Variants in PLTP observed in about 807,000 individuals in gnomAD.
PLTP encodes BPI fold containing family E.
PLTP carries 43 observed loss-of-function variants against 54.1 expected under a neutral mutation model. The ratio of observed to expected loss-of-function variants is 0.79; its 90% CI spans 0.62 to 1.02. The LOEUF is 1.02. Ranked by LOEUF, PLTP falls within the 50% of genes least tolerant of loss-of-function variation. The pLI, the probability that PLTP is intolerant of heterozygous loss-of-function variation, is 0.00. For missense variants in PLTP, 604 were observed against 645.9 expected (o/e 0.94, Z 0.70); for synonymous variants, 263 against 264.6 (o/e 0.99, Z 0.06).
rs754893064 is a variant in PLTP at position 45,911,440 on chromosome 20, C to T, written c.13G>A (p.Gly5Arg). 1.9e-6 allele frequency: 3 copies of T among 1,604,834 alleles called. No homozygotes were observed. Among genetic ancestry groups the T allele is most frequent in the East Asian group, 2.2e-5 (1 of 44,878 alleles). ...GCCAGCAGCGCTAGGAAGAGGGCCC[C>T]GAAGAGGGCCATGGCGAGCGGGCCT... MALF[G>R]ALFLALLAGA... The change falls in exon 2 of 16, where the codon GGG becomes AGG. Residue 5 changes from glycine (G) to arginine (R), a missense_variant. By Grantham distance (125) the Gly-to-Arg change is moderately radical. Transcript: ENST00000372431.
chr20:45,906,615 C>A (rs1236789917), intron 7 of PLTP, among the ~76,000 whole-genome samples: 1 of 152,104 alleles, frequency 6.6e-6, no homozygotes, highest in Non-Finnish European at 1.5e-5. Context: ...GGGGGCCGCG[C>A]ATGGTGGCTC....
At chr20:45,901,413 C>T (rs1240911727) in intron 12 of PLTP, among the ~76,000 whole-genome samples, 1 of 151,776 alleles carries the variant, frequency 6.6e-6, no homozygotes, top group Non-Finnish European at 1.5e-5. Flanking sequence ...GCCTGGACAA[C>T]AAAGTGAGAC....
At chr20:45,900,578 G>T (rs2083175522) in intron 12 of PLTP, among the ~76,000 whole-genome samples, 1 of 151,958 alleles carries the variant, frequency 6.6e-6, no homozygotes, top group South Asian at 2.1e-4. Context: ...GCCCAGGCTG[G>T]AGGGCAGTGG....
intron 4 of PLTP, 126 bp downstream of exon 4, chr20:45,909,816 G>T (rs989733340): frequency 1.4e-6 from 2 of 1,427,602 alleles, no homozygotes; most frequent in African/African-American, 1.4e-5. Flanking sequence ...AAATGCATAT[G>T]CCTGTTTCTG....
chr20:45,898,699 C>T lies in PLTP; in HGVS notation c.*242G>A. 1 of 658,560 alleles carries T rather than the reference C, an allele frequency of 1.5e-6. No individual in the cohort carries two copies. The highest frequency in any genetic ancestry group is 2.6e-6 in the Non-Finnish European group (1 of 379,042). 40.8% of individuals were successfully genotyped at this position (658,560 alleles called of 1,614,324 possible). A position where few individuals can be genotyped will look rare whatever the true frequency, so the allele number is the denominator to read the frequency against. On this transcript the variant is annotated 3_prime_UTR_variant, in exon 16 of 16. Coordinates refer to ENST00000372431, the MANE Select transcript of PLTP (RefSeq NM_006227.4). The surrounding 1 kb of genome is among the most constrained non-coding windows in gnomAD (Gnocchi z 4.6). ...GGCCCCTTCTCTGCTTAAAGAATGC[C>T]CTTTATGATGCACTGATTCCATCCC...
intron 10 of PLTP, among the ~76,000 whole-genome samples, chr20:45,904,058 G>A (rs1184225116): frequency 6.6e-6 from 1 of 152,188 alleles, no homozygotes; most frequent in Non-Finnish European, 1.5e-5. Flanking sequence ...ACTTGTAGAG[G>A]TTATGTAGTT....
intron 12 of PLTP, 103 bp from the exon 13 acceptor site, chr20:45,899,981 T>C: frequency 1.0e-6 from 1 of 970,882 alleles, no homozygotes; most frequent in Middle Eastern, 2.2e-4. Context: ...CAGGCTCAGA[T>C]GCCCACCTAG....
intron 7 of PLTP, 69 bp downstream of exon 7, chr20:45,907,623 C>G: frequency 6.9e-7 from 1 of 1,441,732 alleles, no homozygotes; most frequent in South Asian, 1.2e-5. Flanking sequence ...AACAGCAGGG[C>G]TCGGAAGGGG....
chr20:45,909,460 G>C, intron 5 of PLTP, 56 bp downstream of exon 5: 1 of 1,594,654 alleles, frequency 6.3e-7, no homozygotes, highest in Non-Finnish European at 8.6e-7. Context: ...CATTGCGCTA[G>C]GCAGATGAGC....
rs2083254422 is a variant in PLTP, at chr20:45,907,740, A to G, written c.565T>C (p.Tyr189His). 3.1e-6 allele frequency: 5 copies of G among 1,613,698 alleles called. No individual in the cohort carries two copies. Among genetic ancestry groups the G allele is most frequent in the Middle Eastern group, 1.6e-4 (1 of 6,078 alleles). Reference sequence around the variant, plus strand: ...TTGAGCAGGACCGTCCCTGCGTGGTAGAGGACAGGGCAGATCTGCGAGGTG... The same window carrying G: ...TTGAGCAGGACCGTCCCTGCGTGGTGGAGGACAGGGCAGATCTGCGAGGTG... ...LLNQQICPVL[Y>H]HAGTVLLNSL... The change falls in exon 7 of 16, where the codon TAC becomes CAC. Residue 189 changes from tyrosine (Y) to histidine (H), a missense_variant. Physicochemically the swap from Tyr to His is moderately conservative, Grantham distance 83. Coordinates refer to ENST00000372431, the MANE Select transcript of PLTP (RefSeq NM_006227.4).
At chr20:45,902,675 A>C in intron 10 of PLTP, 71 bp from the exon 11 acceptor site, 1 of 1,469,700 alleles carries the variant, frequency 6.8e-7, no homozygotes, top group Non-Finnish European at 9.1e-7. Context: ...AAGAAGGGGA[A>C]GGAAGGCAGG....
At chr20:45,899,984 C>T in intron 12 of PLTP, 106 bp from the exon 13 acceptor site, 1 of 928,674 alleles carries the variant, frequency 1.1e-6, no homozygotes, top group Non-Finnish European at 1.7e-6. Context: ...GCTCAGATGC[C>T]CACCTAGGCA....
At chr20:45,911,596 C>A in intron 1 of PLTP, 133 bp from the exon 2 acceptor site, 1 of 1,263,396 alleles carries the variant, frequency 7.9e-7, no homozygotes. Flanking sequence ...AACCAATAAT[C>A]TTGCCTCCAT....
chr20:45,909,348 G>A (rs2083268395), intron 5 of PLTP, among the ~76,000 whole-genome samples, 168 bp downstream of exon 5: 1 of 150,916 alleles, frequency 6.6e-6, no homozygotes, highest in Admixed American at 6.6e-5. Context: ...TGAGGATATT[G>A]AGGCACCAAG....
In PLTP at chr20:45,906,865, T is replaced by C. The variant is rs1373744625; in HGVS notation, c.614-506A>G. On this transcript the variant is annotated intron_variant, in intron 7 of 15. Coordinates refer to ENST00000372431, the MANE Select transcript of PLTP (RefSeq NM_006227.4). ...AGGATTGCACCACTGCACTCCAGCC[T>C]GGGTGACAGAGCGAGACTCCATCTC... 1.4e-4 allele frequency among the ~76,000 whole-genome samples: 12 copies of C among 87,444 alleles called. 2 individuals are homozygous for C. The highest frequency in any genetic ancestry group is 2.5e-5 in the Non-Finnish European group (1 of 39,536). 57.4% of individuals were successfully genotyped at this position (87,444 alleles called of 152,430 possible).
In PLTP at chr20:45,898,906, C is replaced by G. The variant is rs1272354904; in HGVS notation, c.*35G>C. 1 of 1,610,640 alleles carries G rather than the reference C, an allele frequency of 6.2e-7. No individual in the cohort carries two copies. The highest frequency in any genetic ancestry group is 2.2e-5 in the East Asian group (1 of 44,782). ...AAGAGGGGCTGAGAGGGGTTGGGGT[C>G]CTGAATGACAGCTGCCAGCTTGGGG... On this transcript the variant is annotated 3_prime_UTR_variant, in exon 16 of 16. Coordinates refer to ENST00000372431, the MANE Select transcript of PLTP (RefSeq NM_006227.4). The surrounding 1 kb of genome is among the most constrained non-coding windows in gnomAD (Gnocchi z 4.6).
chr20:45,910,925 GCCCCCT>G, intron 3 of PLTP: 2 of 1,420,436 alleles, frequency 1.4e-6, no homozygotes, highest in East Asian at 5.2e-5. Flanking sequence ...TTCCTTCTTG[GCCCCCT>G]CTACATTTTC....
intron 10 of PLTP, among the ~76,000 whole-genome samples, chr20:45,904,038 A>C (rs943615494): frequency 4.7e-4 from 72 of 152,228 alleles, no homozygotes; most frequent in African/African-American, 1.6e-3. Flanking sequence ...AGGCACAGAT[A>C]GGTTAAGTAA....
chr20:45,908,286 C>A (rs956017724), intron 5 of PLTP, among the ~76,000 whole-genome samples: 9 of 152,130 alleles, frequency 5.9e-5, no homozygotes, highest in African/African-American at 2.2e-4. Context: ...TCCTCTGAAT[C>A]CCCAAAGCAT....
Sources: gnomAD v4.1 joint callset for allele counts (sites outside exome capture counted in the v4.1 genomes callset) on GRCh38, gnomAD v4.1.1 for gene constraint, Gnocchi (gnomAD v3.1) non-coding constraint, MANE v1.5 for transcripts, NCBI Gene and HGNC (gene_info 2026-07-23, HGNC 2026-07-21) for gene names.